Variants in NUP93 observed in about 807,000 individuals in gnomAD.
The protein encoded by NUP93 is nucleoporin 93.
NUP93 carries 55 observed loss-of-function variants against 107.8 expected under a neutral mutation model. The observed-to-expected ratio is 0.51, with a 90% CI of 0.41 to 0.64. The LOEUF is 0.64. Among genes scored for constraint, NUP93 ranks in the 30% least tolerant of loss-of-function variants. NUP93 has a pLI of 0.00. For synonymous variants in NUP93, 390 were observed against 397.5 expected (o/e 0.98, Z 0.22); for missense variants, 937 against 1,044.7 (o/e 0.90, Z 1.42).
At chr16:56,730,461 C>T (rs1327341805) in intron 1 of NUP93, among the ~76,000 whole-genome samples, 1 of 152,148 alleles carries the variant, frequency 6.6e-6, no homozygotes, top group Non-Finnish European at 1.5e-5. Flanking sequence ...GAACCTAGGC[C>T]TCCCGACTCC....
chr16:56,741,099 T>A (rs1961732748), intron 1 of NUP93, among the ~76,000 whole-genome samples: 2 of 152,090 alleles, frequency 1.3e-5, no homozygotes, highest in Non-Finnish European at 2.9e-5. Context: ...AAAAGCATAT[T>A]TGGTAGTGGG....
At chr16:56,738,202 C>T (rs761607726) in intron 1 of NUP93, among the ~76,000 whole-genome samples, 14 of 152,236 alleles carry the variant, frequency 9.2e-5, no homozygotes, top group Non-Finnish European at 1.6e-4. Context: ...AGAGACGATC[C>T]AGCCCCAGGG....
intron 3 of NUP93, among the ~76,000 whole-genome samples, chr16:56,797,952 CAG>C (rs1327197745): frequency 1.3e-5 from 2 of 152,178 alleles, no homozygotes; most frequent in East Asian, 1.9e-4. Context: ...AGACCTGAAA[CAG>C]AGAGTGCACA....
chr16:56,769,283 G>A (rs183641734), intron 3 of NUP93, among the ~76,000 whole-genome samples: 7 of 152,326 alleles, frequency 4.6e-5, no homozygotes, highest in Non-Finnish European at 8.8e-5. Context: ...AAAGCCCACA[G>A]TGCCGGAGAA....
intron 3 of NUP93, among the ~76,000 whole-genome samples, chr16:56,785,491 G>T (rs1289604852): frequency 6.6e-6 from 1 of 152,184 alleles, no homozygotes; most frequent in East Asian, 1.9e-4. Flanking sequence ...TAGCCTGGCT[G>T]ATAGTGAAGA....
chr16:56,846,875 T>A lies in NUP93; in HGVS notation c.*2266T>A, dbSNP rs1302051021. The A allele has an allele frequency of 6.6e-6, 1 of 152,256 alleles. No individual in the cohort carries two copies. The highest frequency in any genetic ancestry group is 1.5e-5 in the Non-Finnish European group (1 of 68,050). The allele number at this position is 152,256 out of a possible 1,614,324, so 9.4% of individuals were successfully genotyped here. ...TGCTCCTGGCTTACCTCTTCTTCAC[T>A]ATCCCATGAGAATCGTGGATTTGCC... is the stretch of plus-strand genomic sequence containing the variant. On this transcript the variant is annotated 3_prime_UTR_variant, in exon 22 of 22. Transcript: ENST00000308159.
intron 2 of NUP93, among the ~76,000 whole-genome samples, chr16:56,751,193 A>G (rs756294992): frequency 1.3e-5 from 2 of 152,114 alleles, no homozygotes; most frequent in South Asian, 2.1e-4. Flanking sequence ...AGAAAAAGCC[A>G]GTAGTCACTC....
At chr16:56,771,043 AT>A (rs1962312542) in intron 3 of NUP93, among the ~76,000 whole-genome samples, 1 of 152,162 alleles carries the variant, frequency 6.6e-6, no homozygotes, top group Non-Finnish European at 1.5e-5. Flanking sequence ...AGATGTGCTG[AT>A]TTCATGAACA....
intron 2 of NUP93, among the ~76,000 whole-genome samples, chr16:56,754,968 A>G (rs1961991950): frequency 6.6e-6 from 1 of 152,236 alleles, no homozygotes; most frequent in South Asian, 2.1e-4. Context: ...CAATGGCTGT[A>G]ATCAAAAAGA....
At chr16:56,783,790 A>C in intron 3 of NUP93, 2 of 985,418 alleles carry the variant, frequency 2.0e-6, no homozygotes, top group Non-Finnish European at 2.4e-6. Flanking sequence ...AAACTAAGAA[A>C]ATGAATTTGC....
At chr16:56,786,725 T>A (rs1417816285) in intron 3 of NUP93, among the ~76,000 whole-genome samples, 1 of 152,224 alleles carries the variant, frequency 6.6e-6, no homozygotes, top group African/African-American at 2.4e-5. Flanking sequence ...GCAGAGTTGT[T>A]ACGTTCATGT....
intron 10 of NUP93, among the ~76,000 whole-genome samples, chr16:56,831,355 A>G (rs1179647482): frequency 6.6e-6 from 1 of 152,212 alleles, no homozygotes; most frequent in African/African-American, 2.4e-5. Context: ...ATATCAAGAG[A>G]TTGCCTCAAA....
chr16:56,826,779 G>A (rs541283390), intron 8 of NUP93, among the ~76,000 whole-genome samples: 13 of 151,570 alleles, frequency 8.6e-5, no homozygotes, highest in Admixed American at 7.9e-4. Flanking sequence ...TGGGTGCAGC[G>A]TCTCACGTCT....
intron 1 of NUP93, among the ~76,000 whole-genome samples, chr16:56,741,622 AATT>A (rs1289010960): frequency 6.6e-6 from 1 of 152,228 alleles, no homozygotes; most frequent in African/African-American, 2.4e-5. Flanking sequence ...AATCAAAAAT[AATT>A]ATTTAAAATA....
intron 3 of NUP93, among the ~76,000 whole-genome samples, chr16:56,781,407 A>G (rs1434852288): frequency 2.0e-5 from 3 of 152,148 alleles, no homozygotes; most frequent in East Asian, 3.9e-4. Flanking sequence ...CAAGGGCACA[A>G]TGATCCGAGA....
At position 56,844,576 on chromosome 16, in the gene NUP93, G is replaced by A. The variant is rs1360942079; in HGVS notation, c.2427G>A (p.Ala809=). The part of the protein sequence containing the change: ...IPYRTSGDTN[A]RLVQMEVLMN ...ACCGAACGTCTGGGGACACCAATGC[G>A]AGGCTGGTGCAGATGGAGGTCCTCA... The change falls in exon 22 of 22, where the codon GCG becomes GCA. Residue 809 remains alanine (A), a synonymous_variant. Coordinates refer to ENST00000308159, the MANE Select transcript of NUP93 (RefSeq NM_014669.5). 1.2e-5 allele frequency: 19 copies of A among 1,591,382 alleles called. No homozygotes were observed. Among genetic ancestry groups the A allele is most frequent in the Non-Finnish European group, 1.6e-5 (19 of 1,169,222 alleles).
At chr16:56,796,464 G>A (rs1203810241) in intron 3 of NUP93, among the ~76,000 whole-genome samples, 3 of 152,138 alleles carry the variant, frequency 2.0e-5, no homozygotes, top group African/African-American at 7.2e-5. Flanking sequence ...TGATGAAATC[G>A]CCTAGTAGGA....
intron 3 of NUP93, among the ~76,000 whole-genome samples, chr16:56,768,357 A>C (rs1398378967): frequency 6.6e-6 from 1 of 151,196 alleles, no homozygotes; most frequent in Non-Finnish European, 1.5e-5. Context: ...TGAGGTCGGG[A>C]GTTTGAGACC....
At chr16:56,748,681 A>G (rs1413226579) in intron 2 of NUP93, among the ~76,000 whole-genome samples, 2 of 152,120 alleles carry the variant, frequency 1.3e-5, no homozygotes, top group African/African-American at 4.8e-5. Context: ...GGAGGGGGTG[A>G]AAGAGCCCTG....
Sources: allele counts gnomAD v4.1 joint callset (sites outside exome capture counted in the v4.1 genomes callset), GRCh38; gene constraint gnomAD v4.1.1; transcripts MANE v1.5; gene names NCBI Gene and HGNC (gene_info 2026-07-23, HGNC 2026-07-21).